Variants in TF observed in about 807,000 individuals in gnomAD.
The protein encoded by TF is serotransferrin.
TF carries 55 observed loss-of-function variants against 82.4 expected under a neutral mutation model. That is an observed-to-expected ratio of 0.67 (90% CI 0.54 to 0.84). The LOEUF is 0.84. Among genes scored for constraint, TF ranks in the 40% least tolerant of loss-of-function variants. The pLI, the probability that TF is intolerant of heterozygous loss-of-function variation, is 0.00. For synonymous variants in TF, 332 were observed against 332.6 expected (o/e 1.00, Z 0.02); for missense variants, 737 against 868.4 (o/e 0.85, Z 1.90).
chr3:133,728,373 A>T, the TF span, among the ~76,000 whole-genome samples: 1 of 151,772 alleles, frequency 6.6e-6, no homozygotes, highest in Non-Finnish European at 1.5e-5. Context: ...TTTTTTCTCT[A>T]CACTTCCCTT....
chr3:133,775,540 G>C lies in TF; in HGVS notation c.1795G>C (p.Ala599Pro). ...PVEEYANCHL[A>P]RAPNHAVVTR... is the part of the protein sequence containing the mutation. ...GGAGGAGTATGCGAACTGCCACCTG[G>C]CCAGAGCCCCGAATCACGCTGTGGT... Residue 599 changes from alanine (A) to proline (P), a missense_variant, in exon 15 of 17, where the codon GCC becomes CCC. Coordinates refer to ENST00000402696, the MANE Select transcript of TF (RefSeq NM_001063.4). The C allele has an allele frequency of 1.2e-6, 2 of 1,614,174 alleles. No individual in the cohort carries two copies. The highest frequency in any genetic ancestry group is 1.7e-6 in the Non-Finnish European group (2 of 1,180,024).
the TF span, among the ~76,000 whole-genome samples, chr3:133,739,400 C>A: frequency 0.37 from 56,902 of 151,940 alleles, 11,051 homozygotes; most frequent in South Asian, 0.5. Flanking sequence ...AGGACATAGG[C>A]ATGGGCAAAG....
At position 133,770,567 on chromosome 3, in the gene TF, C is replaced by A; in HGVS notation, c.1682C>A (p.Thr561Asn). Residue 561 changes from threonine (T) to asparagine (N), a missense_variant, in exon 14 of 17, where the codon ACT (threonine) becomes AAT (asparagine). By Grantham distance (65) the Thr-to-Asn change is moderately conservative. Coordinates refer to ENST00000402696, the MANE Select transcript of TF (RefSeq NM_001063.4). ...AAACACCAGACTGTCCCACAGAACA[C>A]TGGGGGTAAGTGCACCTGCTCCTCT... Reference protein sequence around the residue: ...FVKHQTVPQNTGGKNPDPWAK... With the variant: ...FVKHQTVPQNNGGKNPDPWAK... 1.2e-6 allele frequency: 2 copies of A among 1,614,108 alleles called. No homozygotes were observed. Among genetic ancestry groups the A allele is most frequent in the Non-Finnish European group, 8.5e-7 (1 of 1,180,020 alleles).
chr3:133,745,737 T>C (rs1406935317), upstream of TF, among the ~76,000 whole-genome samples: 1 of 152,154 alleles, frequency 6.6e-6, no homozygotes, highest in Non-Finnish European at 1.5e-5. Flanking sequence ...TATGACTCTG[T>C]CCCTAGTCTA....
At chr3:133,757,147 C>A in intron 7 of TF, 138 bp downstream of exon 7, 1 of 1,192,998 alleles carries the variant, frequency 8.4e-7, no homozygotes, top group Non-Finnish European at 1.2e-6. Flanking sequence ...TCACTAAGTT[C>A]TCTAAAAGCT....
chr3:133,674,168 C>T, the TF span, among the ~76,000 whole-genome samples: 2 of 152,222 alleles, frequency 1.3e-5, no homozygotes, highest in Non-Finnish European at 2.9e-5. Context: ...CTATGGACAG[C>T]CCCCGAATCC....
chr3:133,769,605 C>T (rs1438167120), intron 13 of TF, among the ~76,000 whole-genome samples: 4 of 152,132 alleles, frequency 2.6e-5, no homozygotes, highest in African/African-American at 7.2e-5. Context: ...ATAGGTACCC[C>T]GTCTTCTCAG....
At chr3:133,753,771 A>G (rs1214755747) in intron 3 of TF, 68 bp downstream of exon 3, 32 of 1,325,772 alleles carry the variant, frequency 2.4e-5, no homozygotes. Context: ...GCTGTGTTTT[A>G]CAGGCAGGTT....
chr3:133,733,834 T>A, the TF span, among the ~76,000 whole-genome samples: 1 of 151,060 alleles, frequency 6.6e-6, no homozygotes, highest in Admixed American at 6.6e-5. Flanking sequence ...CCTGCCTTTC[T>A]CTTGTTTCCA....
the TF span, among the ~76,000 whole-genome samples, chr3:133,663,982 G>T: frequency 6.6e-6 from 1 of 152,140 alleles, no homozygotes; most frequent in South Asian, 2.1e-4. Flanking sequence ...AAGCAGAGAG[G>T]GTCTGTCTCT....
At chr3:133,742,120 A>G (rs889290298), upstream of TF, among the ~76,000 whole-genome samples, 1 of 152,154 alleles carries the variant, frequency 6.6e-6, no homozygotes, top group Non-Finnish European at 1.5e-5. Context: ...GGTAGCTGGC[A>G]CTACAGGTGC....
chr3:133,698,011 A>T, the TF span, among the ~76,000 whole-genome samples: 2 of 152,240 alleles, frequency 1.3e-5, no homozygotes, highest in Non-Finnish European at 2.9e-5. Context: ...TCCTGTGATA[A>T]CAAGACTGTC....
At chr3:133,679,405 C>T in the TF span, among the ~76,000 whole-genome samples, 1 of 152,132 alleles carries the variant, frequency 6.6e-6, no homozygotes, top group African/African-American at 2.4e-5. Flanking sequence ...TTCAGTGAAT[C>T]TTCGCAAATA....
Position 133,788,981 on chromosome 3 carries a change from G to C in TF, c.*10361G>C, listed in dbSNP as rs1934761098. 6.6e-6 allele frequency: 1 copy of C among 152,284 alleles called. No homozygotes were observed. The highest frequency in any genetic ancestry group is 2.4e-5 in the African/African-American group (1 of 41,464). 9.4% of individuals were successfully genotyped at this position (152,284 alleles called of 1,614,324 possible). ...CAAATTATAAGGATGCTAAACGCCAGTGATTACACCCAGGAACCAAAGGAC... is the reference window on the plus strand; with the variant it reads ...CAAATTATAAGGATGCTAAACGCCACTGATTACACCCAGGAACCAAAGGAC... On this transcript the variant is annotated 3_prime_UTR_variant, in exon 17 of 17. Coordinates refer to ENST00000402696, the MANE Select transcript of TF (RefSeq NM_001063.4).
chr3:133,713,816 A>T, the TF span, among the ~76,000 whole-genome samples: 1 of 152,092 alleles, frequency 6.6e-6, no homozygotes. Flanking sequence ...CCCCTCTACC[A>T]GTTTGCAGTG....
upstream of TF, chr3:133,746,319 C>T: frequency 8.6e-7 from 1 of 1,166,854 alleles, no homozygotes; most frequent in Non-Finnish European, 1.2e-6. Context: ...TGCACAAACA[C>T]GGGAGGTCAA....
At position 133,770,503 on chromosome 3, in the gene TF, T is replaced by A; in HGVS notation, c.1623-5T>A. 1 of 1,614,186 alleles carries A rather than the reference T, an allele frequency of 6.2e-7. No homozygotes were observed. Among genetic ancestry groups the A allele is most frequent in the Non-Finnish European group, 8.5e-7 (1 of 1,180,014 alleles). ...TTTTTCTCTCCCACTTCTGGACCTC[T>A]GCAGGTGTCTGGTTGAGAAGGGAGA... On this transcript the variant is annotated splice_region_variant and splice_polypyrimidine_tract_variant and intron_variant, in intron 13 of 16. Coordinates refer to ENST00000402696, the MANE Select transcript of TF (RefSeq NM_001063.4).
At position 133,764,891 on chromosome 3, in the gene TF, G is replaced by A. The variant is rs377375066; in HGVS notation, c.1314G>A (p.Glu438=). ...CTCCTGCAGAGAGCGATAATTGTGAGGATACACCAGAGGCAGGTGAGTTTG... is the reference window on the plus strand; with the variant it reads ...CTCCTGCAGAGAGCGATAATTGTGAAGATACACCAGAGGCAGGTGAGTTTG... ...AENYNKSDNC[E]DTPEAGYFAI... Residue 438 remains glutamate (E), a synonymous_variant, in exon 11 of 17, where the codon GAG becomes GAA. Transcript: ENST00000402696. 13 of 1,613,902 alleles carry A rather than the reference G, an allele frequency of 8.1e-6. No individual in the cohort carries two copies. Among genetic ancestry groups the A allele is most frequent in the Admixed American group, 1.7e-5 (1 of 60,004 alleles).
chr3:133,685,849 C>G, the TF span, among the ~76,000 whole-genome samples: 1 of 152,174 alleles, frequency 6.6e-6, no homozygotes, highest in Non-Finnish European at 1.5e-5. Flanking sequence ...GAAAAAACTA[C>G]TTTAAAGTTC....
Sources: gnomAD v4.1 joint callset for allele counts (sites outside exome capture counted in the v4.1 genomes callset) on GRCh38, gnomAD v4.1.1 for gene constraint, MANE v1.5 for transcripts, NCBI Gene and HGNC (gene_info 2026-07-23, HGNC 2026-07-21) for gene names.